The following CHMP3 variants were observed in gnomAD, a reference collection of about 807,000 sequenced individuals.
CHMP3 encodes charged multivesicular body protein 3.
CHMP3 carries 8 observed loss-of-function variants against 27.4 expected under a neutral mutation model. The observed-to-expected ratio is 0.29, with a 90% CI of 0.17 to 0.53. The LOEUF is 0.53. CHMP3 is among the 20% of genes least tolerant of loss of function. The pLI is 0.96. For synonymous variants in CHMP3, 86 were observed against 85.5 expected, an observed-to-expected ratio of 1.01 and a Z score of -0.03; for missense variants, 208 against 271.5, an observed-to-expected ratio of 0.77 and a Z score of 1.64.
At position 86,504,499 on chromosome 2, in the gene CHMP3, A is replaced by AT. The variant is rs1558640604; in HGVS notation, c.*1304_*1305insA. 4 of 135,178 alleles carry AT rather than the reference A, an allele frequency of 3.0e-5. No individual in the cohort carries two copies. Among genetic ancestry groups the AT allele is most frequent in the African/African-American group, 1.1e-4 (4 of 36,662 alleles). The allele number at this position is 135,178 out of a possible 1,614,324, so 8.4% of individuals were successfully genotyped here. A position where few individuals can be genotyped will look rare whatever the true frequency, so the allele number is the denominator to read the frequency against. On this transcript the variant is annotated 3_prime_UTR_variant, in exon 6 of 6. Coordinates refer to ENST00000263856, the MANE Select transcript of CHMP3 (RefSeq NM_016079.4). ...GAGGGTCCTCTGGACTCAAAAATGA[A>AT]ATTTTTTTTTTTTTTTTTTTTTTTT... is the stretch of plus-strand genomic sequence containing the variant.
rs557220464 is a variant in CHMP3 at position 86,549,095 on chromosome 2, G to A, written c.46-6783C>T. On this transcript the variant is annotated intron_variant, in intron 1 of 5. Transcript: ENST00000263856. ...GACGGGGTGGCGGCCGGGCAGAGAC[G>A]CCCCTCACCTCCCAGACGGGGCGGC... 1.7e-3 allele frequency among the ~76,000 whole-genome samples: 230 copies of A among 138,444 alleles called. 1 individual carries two copies. The highest frequency in any genetic ancestry group is 5.7e-3 in the Middle Eastern group (1 of 174). The allele number at this position is 138,444 out of a possible 152,430, so 90.8% of individuals were successfully genotyped here.
At chr2:86,549,951 A>G (rs1239700773) in intron 1 of CHMP3, among the ~76,000 whole-genome samples, 1 of 137,462 alleles carries the variant, frequency 7.3e-6, no homozygotes, top group Non-Finnish European at 1.6e-5. Flanking sequence ...CTGGGCTGAT[A>G]CGCTCCTCAC....
chr2:86,552,125 A>G (rs1676927649), intron 1 of CHMP3, among the ~76,000 whole-genome samples: 1 of 152,230 alleles, frequency 6.6e-6, no homozygotes, highest in African/African-American at 2.4e-5. Context: ...AATAGCTCCC[A>G]CTGACCAAAT....
chr2:86,510,268 A>G (rs1573236428), intron 4 of CHMP3, 90 bp downstream of exon 4: 2 of 1,522,384 alleles, frequency 1.3e-6, no homozygotes, highest in East Asian at 2.4e-5. Flanking sequence ...TAGTCTGTTC[A>G]TCCCCACCCA....
At chr2:86,510,534 C>A (rs544677102) in intron 3 of CHMP3, 55 bp from the exon 4 acceptor site, 5 of 1,586,744 alleles carry the variant, frequency 3.2e-6, no homozygotes, top group African/African-American at 1.3e-5. Flanking sequence ...TAGAGAGAGA[C>A]AGCCAAATTA....
At chr2:86,506,332 CCCA>C (rs1465644808) in intron 5 of CHMP3, among the ~76,000 whole-genome samples, 1 of 151,954 alleles carries the variant, frequency 6.6e-6, no homozygotes, top group African/African-American at 2.4e-5. Context: ...AAAATTAAAC[CCCA>C]CCATTTTTTT....
chr2:86,515,462 ATAG>A (rs1352157613), intron 3 of CHMP3, among the ~76,000 whole-genome samples: 1 of 152,124 alleles, frequency 6.6e-6, no homozygotes, highest in East Asian at 1.9e-4. Flanking sequence ...AGTTGGGATT[ATAG>A]GTGTGCGCCA....
At chr2:86,551,442 G>A (rs1676901649) in intron 1 of CHMP3, among the ~76,000 whole-genome samples, 1 of 151,960 alleles carries the variant, frequency 6.6e-6, no homozygotes, top group Admixed American at 6.6e-5. Flanking sequence ...TTCTTAGTAG[G>A]CACGGGGTTT....
intron 3 of CHMP3, chr2:86,510,820 G>A (rs1675076546): frequency 8.4e-6 from 2 of 239,026 alleles, no homozygotes; most frequent in African/African-American, 2.3e-5. Flanking sequence ...TCCAGACCTT[G>A]TAAAGGCCAC....
At chr2:86,520,081 T>G (rs1675464365) in intron 3 of CHMP3, among the ~76,000 whole-genome samples, 1 of 152,202 alleles carries the variant, frequency 6.6e-6, no homozygotes, top group African/African-American at 2.4e-5. Flanking sequence ...ATATAGCACT[T>G]GAATAGTAGT....
intron 2 of CHMP3, among the ~76,000 whole-genome samples, chr2:86,537,904 C>G (rs1373546647): frequency 2.6e-5 from 4 of 152,138 alleles, no homozygotes; most frequent in African/African-American, 9.7e-5. Flanking sequence ...TCCAGTAATG[C>G]TACTTTTGTT....
At chr2:86,553,861 G>A (rs921556348) in intron 1 of CHMP3, among the ~76,000 whole-genome samples, 5 of 152,128 alleles carry the variant, frequency 3.3e-5, no homozygotes, top group East Asian at 3.8e-4. Context: ...CAAACTGACC[G>A]AGCTGAAAAA....
chr2:86,555,908 C>T (rs1677103321), intron 1 of CHMP3, among the ~76,000 whole-genome samples: 1 of 152,130 alleles, frequency 6.6e-6, no homozygotes, highest in Non-Finnish European at 1.5e-5. Flanking sequence ...AAATAGGTTC[C>T]AGGGATTAGG....
At chr2:86,554,157 C>G (rs80008929) in intron 1 of CHMP3, among the ~76,000 whole-genome samples, 2,268 of 152,280 alleles carry the variant, frequency 0.015, 67 homozygotes, top group African/African-American at 0.052. Context: ...AGTGCCCTCA[C>G]CAGACACTGT....
intron 2 of CHMP3, among the ~76,000 whole-genome samples, chr2:86,536,453 C>CT (rs1676145487): frequency 6.6e-6 from 1 of 151,556 alleles, no homozygotes; most frequent in Non-Finnish European, 1.5e-5. Flanking sequence ...ACTCCCATGG[C>CT]TTTTGTTTAT....
intron 3 of CHMP3, among the ~76,000 whole-genome samples, chr2:86,518,228 T>C (rs1675389732): frequency 6.6e-6 from 1 of 152,068 alleles, no homozygotes; most frequent in Non-Finnish European, 1.5e-5. Context: ...AACTTTTCCT[T>C]GAAACAAGGT....
chr2:86,517,776 C>T (rs1675374581), intron 3 of CHMP3, among the ~76,000 whole-genome samples: 1 of 152,046 alleles, frequency 6.6e-6, no homozygotes, highest in South Asian at 2.1e-4. Context: ...CACCTGTAAT[C>T]CCAGCACTTT....
intron 2 of CHMP3, among the ~76,000 whole-genome samples, chr2:86,530,277 G>A (rs555884426): frequency 6.6e-6 from 1 of 152,128 alleles, no homozygotes; most frequent in Non-Finnish European, 1.5e-5. Flanking sequence ...ACAGGCATGA[G>A]CCACCGCACC....
Position 86,505,781 on chromosome 2 carries a change from A to G in CHMP3, c.*23T>C. 6.5e-7 allele frequency: 1 copy of G among 1,547,488 alleles called. No homozygotes were observed. The highest frequency in any genetic ancestry group is 1.2e-5 in the South Asian group (1 of 82,810). On this transcript the variant is annotated 3_prime_UTR_variant, in exon 6 of 6. Coordinates refer to ENST00000263856, the MANE Select transcript of CHMP3 (RefSeq NM_016079.4). ...GGCAGCTCTTGAGAGGAGTGTGTGCACACCCAGCGGGGTAGGCAGCCCCTA... is the reference window on the plus strand; with the variant it reads ...GGCAGCTCTTGAGAGGAGTGTGTGCGCACCCAGCGGGGTAGGCAGCCCCTA...
Sources: allele counts gnomAD v4.1 joint callset (sites outside exome capture counted in the v4.1 genomes callset), GRCh38; gene constraint gnomAD v4.1.1; transcripts MANE v1.5; gene names NCBI Gene and HGNC (gene_info 2026-07-23, HGNC 2026-07-21).